Variants in HSPBP1 observed in about 807,000 individuals in gnomAD.
The protein encoded by HSPBP1 is HSPA (Hsp70) binding protein 1.
A neutral mutation model predicts 41.7 loss-of-function variants in HSPBP1; 31 were observed. That is an observed-to-expected ratio of 0.74 (90% CI 0.56 to 1.00). HSPBP1 has a LOEUF of 1.00. Ranked by LOEUF, HSPBP1 falls within the 50% of genes least tolerant of loss-of-function variation. The pLI is 0.00. For missense variants in HSPBP1, 439 were observed against 487.9 expected, an observed-to-expected ratio of 0.90 and a Z score of 0.94; for synonymous variants, 199 against 214.4, an observed-to-expected ratio of 0.93 and a Z score of 0.63.
Position 55,262,499 on chromosome 19 carries a change from G to C in HSPBP1, c.*109C>G. 6.6e-7 allele frequency: 1 copy of C among 1,516,052 alleles called. No homozygotes were observed. Among genetic ancestry groups the C allele is most frequent in the Non-Finnish European group, 8.9e-7 (1 of 1,128,654 alleles). The allele number at this position is 1,516,052 out of a possible 1,614,324, so 93.9% of individuals were successfully genotyped here. A position where few individuals can be genotyped will look rare whatever the true frequency, so the allele number is the denominator to read the frequency against. On this transcript the variant is annotated 3_prime_UTR_variant, in exon 8 of 8. Transcript: ENST00000433386. Reference sequence around the variant, plus strand: ...CACAGAGACGGGCTGGCACACCCTGGGTCCAGGCACCTAGGCCCTGCGATC... The same window carrying C: ...CACAGAGACGGGCTGGCACACCCTGCGTCCAGGCACCTAGGCCCTGCGATC...
chr19:55,279,532 C>A lies in HSPBP1; in HGVS notation c.77G>T (p.Gly26Val). The A allele has an allele frequency of 6.2e-7, 1 of 1,610,602 alleles. No individual in the cohort carries two copies. The change falls in exon 2 of 8, where the codon GGC (glycine) becomes GTC (valine). Residue 26 changes from glycine (G) to valine (V), a missense_variant. Physicochemically the swap from Gly to Val is moderately radical, Grantham distance 109. Transcript: ENST00000433386. ...CCCAGCCGAGGAGCCGCCGCCGCCG[C>A]CCCCTGAAGAGCAACCCTGGGAGGC... ...PPASQGCSSGGGGGGSSAGGS... is the reference protein window; with the variant it reads ...PPASQGCSSGVGGGGSSAGGS...
At chr19:55,263,784 C>A (rs971430923) in intron 7 of HSPBP1, among the ~76,000 whole-genome samples, 2 of 152,180 alleles carry the variant, frequency 1.3e-5, no homozygotes, top group Non-Finnish European at 2.9e-5. Flanking sequence ...GACACCTGAG[C>A]AACTGGGTAG....
rs1379791108 is a variant in HSPBP1 at position 55,279,610 on chromosome 19, G to C, written c.-2C>G. On this transcript the variant is annotated 5_prime_UTR_variant, in exon 2 of 8. Coordinates refer to ENST00000433386, the MANE Select transcript of HSPBP1 (RefSeq NM_012267.5). ...CCCCCTTGAGCCTTCGTCTGACATG[G>C]GCCGTTTGTGAAGAAGGGAAGAATG... The C allele has an allele frequency of 1.9e-6, 3 of 1,581,356 alleles. No homozygotes were observed. Among genetic ancestry groups the C allele is most frequent in the South Asian group, 1.1e-5 (1 of 88,646 alleles).
intron 7 of HSPBP1, among the ~76,000 whole-genome samples, chr19:55,264,578 T>C (rs78820552): frequency 0.066 from 10,096 of 152,250 alleles, 401 homozygotes; most frequent in South Asian, 0.17. Context: ...AATTGGTTAT[T>C]TTTTGCCATT....
Position 55,277,691 on chromosome 19 carries a change from CCCCTCT to C in HSPBP1, c.360_365del (p.Glu121_Gly122del). ...ACAGGTCGGCCAGCAGCTCCAGGGC[CCCCTCT>C]CGCTCTTGCTGGTCGGCCGCCTGCT... On this transcript the variant is annotated inframe_deletion, in exon 3 of 8. Transcript: ENST00000433386. 3 of 1,605,994 alleles carry C rather than the reference CCCCTCT, an allele frequency of 1.9e-6. No individual in the cohort carries two copies. The highest frequency in any genetic ancestry group is 1.7e-6 in the Non-Finnish European group (2 of 1,177,200).
chr19:55,273,325 T>C (rs1184067870), intron 4 of HSPBP1, among the ~76,000 whole-genome samples: 1 of 152,104 alleles, frequency 6.6e-6, no homozygotes. Flanking sequence ...AAGGATGAAT[T>C]GTATGGCCTA....
rs549008297 is a variant in HSPBP1, at chr19:55,266,643, G to A, written c.641-357C>T. Reference sequence around the variant, plus strand: ...CACTACCATTAACAATATAATTATCGTCAATCATCGTCACCATCATCACCA... The same window carrying A: ...CACTACCATTAACAATATAATTATCATCAATCATCGTCACCATCATCACCA... On this transcript the variant is annotated intron_variant, in intron 4 of 7. Transcript: ENST00000433386. Among the ~76,000 whole-genome samples the A allele has an allele frequency of 1.8e-3, 256 of 140,474 alleles. 1 individual carries two copies. Among genetic ancestry groups the A allele is most frequent in the African/African-American group, 6.2e-3 (232 of 37,712 alleles). 92.2% of individuals were successfully genotyped at this position (140,474 alleles called of 152,430 possible).
chr19:55,277,933 G>C, intron 2 of HSPBP1, 87 bp from the exon 3 acceptor site: 10 of 1,076,466 alleles, frequency 9.3e-6, no homozygotes, highest in Non-Finnish European at 1.3e-5. Flanking sequence ...GCCAACAACT[G>C]AGGGCTGATG....
rs1045869196 is a variant in HSPBP1 at position 55,270,659 on chromosome 19, T to C, written c.640+3739A>G. Among the ~76,000 whole-genome samples, 2 of 151,956 alleles carry C rather than the reference T, an allele frequency of 1.3e-5. No homozygotes were observed. The highest frequency in any genetic ancestry group is 2.9e-5 in the Non-Finnish European group (2 of 67,972). On this transcript the variant is annotated intron_variant, in intron 4 of 7. Transcript: ENST00000433386. The surrounding 1 kb of genome is among the most constrained non-coding windows in gnomAD (Gnocchi z 5.4). Reference sequence around the variant, plus strand: ...TGCACATCTGAGGAAACGAGATTAATCCGTGTGTCTGTGTGCACACATACC... The same window carrying C: ...TGCACATCTGAGGAAACGAGATTAACCCGTGTGTCTGTGTGCACACATACC...
chr19:55,279,664 AAGCAGCTCTGG>A lies in HSPBP1; in HGVS notation c.-67_-57del. The A allele has an allele frequency of 6.5e-7, 1 of 1,546,810 alleles. No homozygotes were observed. The highest frequency in any genetic ancestry group is 8.7e-7 in the Non-Finnish European group (1 of 1,147,386). On this transcript the variant is annotated 5_prime_UTR_variant, in exon 2 of 8. Coordinates refer to ENST00000433386, the MANE Select transcript of HSPBP1 (RefSeq NM_012267.5). ...TAGAGGGAGAAGGTGGTCACCGCTG[AAGCAGCTCTGG>A]CGTCCTGATGGGTCGATTCTTGAGG...
chr19:55,277,512 G>C (rs2088103977), intron 3 of HSPBP1, 130 bp downstream of exon 3: 1 of 926,062 alleles, frequency 1.1e-6, no homozygotes, highest in African/African-American at 1.6e-5. Flanking sequence ...TGGCAATGGA[G>C]GCGAACAGGC....
Position 55,262,482 on chromosome 19 carries a change from C to T in HSPBP1, c.*126G>A, listed in dbSNP as rs1228683366. ...GCCCCTTCCAGGGACTGCACAGAGACGGGCTGGCACACCCTGGGTCCAGGC... is the reference window on the plus strand; with the variant it reads ...GCCCCTTCCAGGGACTGCACAGAGATGGGCTGGCACACCCTGGGTCCAGGC... On this transcript the variant is annotated 3_prime_UTR_variant, in exon 8 of 8. Coordinates refer to ENST00000433386, the MANE Select transcript of HSPBP1 (RefSeq NM_012267.5). 7.4e-6 allele frequency: 11 copies of T among 1,482,812 alleles called. No homozygotes were observed. The highest frequency in any genetic ancestry group is 2.5e-5 in the East Asian group (1 of 40,140). The allele number at this position is 1,482,812 out of a possible 1,614,324, so 91.9% of individuals were successfully genotyped here.
chr19:55,273,135 A>G (rs2087969205), intron 4 of HSPBP1, among the ~76,000 whole-genome samples: 1 of 152,114 alleles, frequency 6.6e-6, no homozygotes, highest in South Asian at 2.1e-4. Context: ...AGGTACAGTC[A>G]CGCACCACCA....
In HSPBP1 at chr19:55,277,965, G is replaced by A. The variant is rs375242407; in HGVS notation, c.211-119C>T. ...GATGTTCCTTCAGTCAACAAATATC[G>A]GCTGGGAGCTGTGGCTCATCCCTGT... On this transcript the variant is annotated intron_variant, in intron 2 of 7. Transcript: ENST00000433386. 1.0e-3 allele frequency: 879 copies of A among 877,732 alleles called. 11 individuals carry two copies. In the South Asian group the frequency reaches 0.015, roughly 15 times the overall value. The allele number at this position is 877,732 out of a possible 1,614,324, so 54.4% of individuals were successfully genotyped here.
At chr19:55,279,792 T>C (rs1456388791) in intron 1 of HSPBP1, 90 bp from the exon 2 acceptor site, 1 of 1,411,884 alleles carries the variant, frequency 7.1e-7, no homozygotes. Context: ...ACAGCCCCTT[T>C]TCCTTCCTTC....
intron 7 of HSPBP1, among the ~76,000 whole-genome samples, chr19:55,264,619 TA>T (rs199632847): frequency 0.022 from 3,322 of 152,304 alleles, 133 homozygotes; most frequent in African/African-American, 0.076. Context: ...ATGAAATAGT[TA>T]AATCATTAAG....
rs377572891 is a variant in HSPBP1 at position 55,275,557 on chromosome 19, G to A, written c.416-935C>T. 7.2e-5 allele frequency among the ~76,000 whole-genome samples: 11 copies of A among 152,302 alleles called. No individual in the cohort carries two copies. The East Asian group carries it at 9.6e-4, about 13-fold the overall frequency. On this transcript the variant is annotated intron_variant, in intron 3 of 7. Coordinates refer to ENST00000433386, the MANE Select transcript of HSPBP1 (RefSeq NM_012267.5). The stretch of plus-strand genomic sequence containing the variant: ...AGCCTATAATCCCAGCACTTTGGGA[G>A]GCCAGGGTGGGCAGATCACTTGAGG...
intron 3 of HSPBP1, among the ~76,000 whole-genome samples, chr19:55,275,996 A>C (rs1049365712): frequency 3.3e-5 from 5 of 151,380 alleles, no homozygotes; most frequent in African/African-American, 9.7e-5. Context: ...ATGCACCTGT[A>C]ATCCCAGCTG....
chr19:55,274,357 A>T (rs775459139), intron 4 of HSPBP1, 41 bp downstream of exon 4: 1 of 206,248 alleles, frequency 4.8e-6, no homozygotes, highest in Admixed American at 6.8e-5. Context: ...ACCCCCCCCC[A>T]CCGCCAGCAC....
Sources: allele counts gnomAD v4.1 joint callset (sites outside exome capture counted in the v4.1 genomes callset), GRCh38; gene constraint gnomAD v4.1.1; non-coding constraint Gnocchi (gnomAD v3.1); transcripts MANE v1.5; gene names NCBI Gene and HGNC (gene_info 2026-07-23, HGNC 2026-07-21).